The following KCNMA1 variants were observed in gnomAD, a reference collection of about 807,000 sequenced individuals.
The protein encoded by KCNMA1 is Calcium-activated potassium channel subunit alpha-1.
In KCNMA1, 29 loss-of-function variants were observed where a neutral mutation model predicts 140.0. The observed-to-expected ratio is 0.21, with a 90% CI of 0.15 to 0.28. KCNMA1 has a LOEUF of 0.28. KCNMA1 is among the 10% of genes least tolerant of loss of function. KCNMA1 has a pLI of 1.00. For synonymous variants in KCNMA1, 612 were observed against 611.9 expected, an observed-to-expected ratio of 1.00 and a Z score of 0.00; for missense variants, 880 against 1,602.2, an observed-to-expected ratio of 0.55 and a Z score of 7.70.
At chr10:77,575,290 G>C (rs2073658753) in intron 1 of KCNMA1, among the ~76,000 whole-genome samples, 1 of 152,198 alleles carries the variant, frequency 6.6e-6, no homozygotes, top group South Asian at 2.1e-4. Context: ...AGTGGTGGCA[G>C]AGGCTGGGAA....
rs577029414 is a variant in KCNMA1, at chr10:77,437,333, G to A, written c.379-33310C>T. Among the ~76,000 whole-genome samples the A allele has an allele frequency of 3.9e-5, 6 of 152,244 alleles. No homozygotes were observed. The East Asian group carries it at 7.7e-4, about 20-fold the overall frequency. ...TGGGAGGATGGGAGGCAGGAAGTTCGGTTAAAATATACTGTCAGTGGCACC... is the reference window on the plus strand; with the variant it reads ...TGGGAGGATGGGAGGCAGGAAGTTCAGTTAAAATATACTGTCAGTGGCACC... On this transcript the variant is annotated intron_variant, in intron 1 of 27. Transcript: ENST00000286628.
At chr10:77,223,364 C>A (rs2050302550) in intron 3 of KCNMA1, among the ~76,000 whole-genome samples, 1 of 152,180 alleles carries the variant, frequency 6.6e-6, no homozygotes, top group South Asian at 2.1e-4. Flanking sequence ...CTTGGTCCTG[C>A]TCAGTTAACC....
intron 1 of KCNMA1, among the ~76,000 whole-genome samples, chr10:77,559,051 C>T (rs538067623): frequency 3.3e-5 from 5 of 152,134 alleles, no homozygotes; most frequent in Non-Finnish European, 5.9e-5. Context: ...AGTCACTCTC[C>T]GTGTCCTGGT....
intron 5 of KCNMA1, among the ~76,000 whole-genome samples, chr10:77,134,425 A>G (rs1564738713): frequency 1.3e-5 from 2 of 152,004 alleles, no homozygotes; most frequent in Admixed American, 6.5e-5. Context: ...ACTAGTGAAT[A>G]ATCATTAAAT....
At position 77,341,732 on chromosome 10, in the gene KCNMA1, C is replaced by T. The variant is rs138271925; in HGVS notation, c.540+62130G>A. ...GCCTGCTGCCCTGCCTCAGGAATCA[C>T]GTCCACTTCATGACTGGCTTTAGCA... On this transcript the variant is annotated intron_variant, in intron 2 of 27. Coordinates refer to ENST00000286628, the MANE Select transcript of KCNMA1 (RefSeq NM_001161352.2). 3.0e-3 allele frequency among the ~76,000 whole-genome samples: 454 copies of T among 152,334 alleles called. 8 individuals carry two copies. The highest frequency in any genetic ancestry group is 0.027 in the Middle Eastern group (8 of 294).
intron 3 of KCNMA1, chr10:77,250,763 T>C (rs2059519175): frequency 4.7e-6 from 1 of 212,146 alleles, no homozygotes; most frequent in Admixed American, 5.2e-5. Flanking sequence ...TGACCTCCAG[T>C]AAGATCAAAG....
rs182424455 is a variant in KCNMA1 at position 77,112,479 on chromosome 10, C to G, written c.885-37G>C. 8.2e-4 allele frequency: 1,261 copies of G among 1,537,676 alleles called. 15 individuals are homozygous for G. In the African/African-American group the frequency reaches 0.016, roughly 19 times the overall value. On this transcript the variant is annotated intron_variant, in intron 6 of 27. Transcript: ENST00000286628. ...ACAACAAGCAAAATCCCCACGTTAC[C>G]AAGGGAAGGCCCTGCTGGGGCTGCC...
At chr10:76,903,004 G>A (rs1257375927) in intron 25 of KCNMA1, 1 of 152,182 alleles carries the variant, frequency 6.6e-6, no homozygotes, top group East Asian at 1.9e-4. Context: ...CACAAGGGTG[G>A]CCCGCTTGGC....
At chr10:76,914,715 C>T (rs1356739713) in intron 24 of KCNMA1, 2 of 479,460 alleles carry the variant, frequency 4.2e-6, no homozygotes, top group Non-Finnish European at 7.7e-6. Context: ...CAGTGACCAG[C>T]ATGAAGGAAA....
At chr10:77,299,195 G>A (rs988417063) in intron 2 of KCNMA1, among the ~76,000 whole-genome samples, 1 of 152,124 alleles carries the variant, frequency 6.6e-6, no homozygotes, top group Admixed American at 6.5e-5. Context: ...ACCCTGCAAC[G>A]CCCTCCCTGA....
Position 77,329,778 on chromosome 10 carries a change from C to G in KCNMA1, c.540+74084G>C, listed in dbSNP as rs79090642. Among the ~76,000 whole-genome samples the G allele has an allele frequency of 2.0e-3, 306 of 152,304 alleles. 1 individual carries two copies. The highest frequency in any genetic ancestry group is 6.9e-3 in the African/African-American group (285 of 41,558). ...GAGATTTCAATCCTAACCTCTGATT[C>G]CAGTCCTAAATCCATCACTAATCAG... On this transcript the variant is annotated intron_variant, in intron 2 of 27. Coordinates refer to ENST00000286628, the MANE Select transcript of KCNMA1 (RefSeq NM_001161352.2).
chr10:77,104,523 G>T (rs2097162630), intron 9 of KCNMA1, among the ~76,000 whole-genome samples: 1 of 152,110 alleles, frequency 6.6e-6, no homozygotes, highest in Non-Finnish European at 1.5e-5. Context: ...TTGGCTACCA[G>T]GAATCAGTAG....
chr10:77,007,653 G>GTGTGTGTGTATATATATATATATATA lies in KCNMA1; in HGVS notation c.2092+4313_2092+4314insTATATATATATATATATACACACACA. On this transcript the variant is annotated intron_variant, in intron 18 of 27. Transcript: ENST00000286628. ...ACATCATGGTACATATTGTGTGTGT[G>GTGTGTGTGTATATATATATATATATA]TATATATATATATATATATATATGT... is the stretch of plus-strand genomic sequence containing the variant. Among the ~76,000 whole-genome samples, 494 of 88,316 alleles carry GTGTGTGTGTATATATATATATATATA rather than the reference G, an allele frequency of 5.6e-3. 6 individuals carry two copies. Among genetic ancestry groups the GTGTGTGTGTATATATATATATATATA allele is most frequent in the African/African-American group, 0.012 (258 of 22,094 alleles). The allele number at this position is 88,316 out of a possible 152,430, so 57.9% of individuals were successfully genotyped here.
At chr10:76,893,571 C>G (rs1044790143) in intron 25 of KCNMA1, among the ~76,000 whole-genome samples, 3 of 151,938 alleles carry the variant, frequency 2.0e-5, no homozygotes, top group African/African-American at 7.3e-5. Context: ...GAATCCTAGT[C>G]TCTACTAAAA....
In KCNMA1 at chr10:77,403,963, C is replaced by G; in HGVS notation, c.439G>C (p.Glu147Gln). Residue 147 changes from glutamate to glutamine, a missense_variant, in exon 2 of 28, where the codon GAA becomes CAA. By Grantham distance (29) the Glu-to-Gln change is conservative. Around this residue, in one of 13 missense-constraint regions of KCNMA1, gnomAD observed 54 missense variants for 56.4 expected, o/e 0.96. Transcript: ENST00000286628. ...QADGTLKPVD[E>Q]KEEAVAAEVG... Reference sequence around the variant, plus strand: ...TCGGCGGCCACTGCCTCCTCTTTTTCATCCACTGGTTTGAGAGTGCCATCC... The same window carrying G: ...TCGGCGGCCACTGCCTCCTCTTTTTGATCCACTGGTTTGAGAGTGCCATCC... The G allele has an allele frequency of 6.2e-7, 1 of 1,614,204 alleles. No homozygotes were observed. Among genetic ancestry groups the G allele is most frequent in the South Asian group, 1.1e-5 (1 of 91,090 alleles).
At chr10:77,497,307 T>G (rs1189098543) in intron 1 of KCNMA1, among the ~76,000 whole-genome samples, 1 of 152,208 alleles carries the variant, frequency 6.6e-6, no homozygotes, top group African/African-American at 2.4e-5. Flanking sequence ...CTCTGGAGTG[T>G]CAGGTACCTC....
intron 1 of KCNMA1, chr10:77,636,430 G>C: frequency 6.5e-7 from 1 of 1,536,160 alleles, no homozygotes; most frequent in Non-Finnish European, 8.7e-7. Flanking sequence ...CAGGGAAGAC[G>C]CTCCGCGTAA....
rs1453255702 is a variant in KCNMA1 at position 76,964,678 on chromosome 10, A to G, written c.2360+5296T>C. 3.9e-5 allele frequency among the ~76,000 whole-genome samples: 6 copies of G among 152,186 alleles called. 1 individual carries two copies. Among genetic ancestry groups the G allele is most frequent in the East Asian group, 3.9e-4 (2 of 5,186 alleles). ...GGCTCAGTCCATTTTGCCATTTTCT[A>G]TTACTAAAATCTTTCATGCTAGCAG... On this transcript the variant is annotated intron_variant, in intron 20 of 27. Coordinates refer to ENST00000286628, the MANE Select transcript of KCNMA1 (RefSeq NM_001161352.2).
chr10:77,271,408 T>A (rs2065098616), intron 2 of KCNMA1, among the ~76,000 whole-genome samples: 1 of 152,102 alleles, frequency 6.6e-6, no homozygotes, highest in African/African-American at 2.4e-5. Flanking sequence ...ACATGGGTGC[T>A]CTCTCGTCTC....
Sources: gnomAD v4.1 joint callset for allele counts (sites outside exome capture counted in the v4.1 genomes callset) on GRCh38, gnomAD v4.1.1 for gene constraint, gnomAD v4.1.1 regional missense constraint, MANE v1.5 for transcripts, NCBI Gene and HGNC (gene_info 2026-07-23, HGNC 2026-07-21) for gene names.